FYB1: variants seen among roughly 807,000 people sequenced by gnomAD.
FYB1 encodes FYN-binding protein 1.
FYB1 carries 41 observed loss-of-function variants against 94.1 expected under a neutral mutation model. The ratio of observed to expected loss-of-function variants is 0.44; its 90% CI spans 0.34 to 0.57. FYB1 has a LOEUF of 0.57. FYB1 is among the 20% of genes least tolerant of loss of function. The probability of loss-of-function intolerance (pLI) is 0.02; values close to 1 mark genes in which losing one functional copy is unlikely to be tolerated. For synonymous variants in FYB1, 367 were observed against 353.2 expected (o/e 1.04, Z -0.44); for missense variants, 1,050 against 976.8 (o/e 1.07, Z -1.00).
At chr5:39,239,326 AG>A (rs1751105544) in intron 1 of FYB1, among the ~76,000 whole-genome samples, 1 of 152,198 alleles carries the variant, frequency 6.6e-6, no homozygotes, top group African/African-American at 2.4e-5. Context: ...ATCAGGCAAG[AG>A]AAAGAAATAA....
chr5:39,157,886 A>T (rs1375922725), intron 2 of FYB1, among the ~76,000 whole-genome samples: 3 of 152,206 alleles, frequency 2.0e-5, no homozygotes. Flanking sequence ...CAATGAGCTA[A>T]TCAGATGAAT....
chr5:39,116,383 G>T (rs1314166567), intron 16 of FYB1, among the ~76,000 whole-genome samples: 2 of 152,200 alleles, frequency 1.3e-5, no homozygotes. Context: ...ACTGTAAAGT[G>T]CATTGGTACT....
chr5:39,171,506 T>C (rs1379740707), intron 2 of FYB1, among the ~76,000 whole-genome samples: 1 of 152,140 alleles, frequency 6.6e-6, no homozygotes, highest in Admixed American at 6.5e-5. Context: ...CTCTAGGTGA[T>C]TCTAATGCAC....
intron 16 of FYB1, among the ~76,000 whole-genome samples, chr5:39,112,053 C>T (rs1739122585): frequency 6.6e-6 from 1 of 151,866 alleles, no homozygotes; most frequent in Non-Finnish European, 1.5e-5. Context: ...GGGATAAGCT[C>T]ATGTCCAACA....
chr5:39,162,578 G>A lies in FYB1; in HGVS notation c.1136-8974C>T, dbSNP rs573013398. ...CGCTTGTCTGTAGTCCCAGCTACTC[G>A]GGAGGCTGAGGCAGGAGAATCGCTT... On this transcript the variant is annotated intron_variant, in intron 2 of 18. Transcript: ENST00000512982. Among the ~76,000 whole-genome samples, 3 of 152,166 alleles carry A rather than the reference G, an allele frequency of 2.0e-5. No individual in the cohort carries two copies. In the South Asian group the frequency reaches 6.2e-4, roughly 32 times the overall value.
chr5:39,124,346 A>T (rs1740425965), intron 12 of FYB1, 68 bp from the exon 13 acceptor site: 1 of 1,129,450 alleles, frequency 8.9e-7, no homozygotes, highest in South Asian at 1.6e-5. Context: ...TCCGTTATAT[A>T]GGAGAGTATA....
intron 1 of FYB1, among the ~76,000 whole-genome samples, chr5:39,208,435 T>C (rs1749050218): frequency 6.6e-6 from 1 of 152,244 alleles, no homozygotes; most frequent in Non-Finnish European, 1.5e-5. Flanking sequence ...AAATCTTTGA[T>C]AATTTTTTAC....
intron 3 of FYB1, among the ~76,000 whole-genome samples, chr5:39,145,565 A>G (rs554429709): frequency 2.4e-4 from 36 of 152,322 alleles, no homozygotes; most frequent in African/African-American, 7.7e-4. Context: ...AAATTTAAGT[A>G]CTTAAAGGAA....
In FYB1 at chr5:39,201,891, G is replaced by A; in HGVS notation, c.1070C>T (p.Pro357Leu). The A allele has an allele frequency of 1.9e-6, 3 of 1,614,010 alleles. No homozygotes were observed. Among genetic ancestry groups the A allele is most frequent in the Non-Finnish European group, 2.5e-6 (3 of 1,179,882 alleles). ...ATTTGGTGGTCTGTTGGGTTTTGGT[G>A]GAGGTGGACCCAAGGTAAACAAGGG... is the stretch of plus-strand genomic sequence containing the variant. ...LPPLFTLGPP[P>L]PKPNRPPNVD... Residue 357 changes from proline (P) to leucine (L), a missense_variant, in exon 2 of 19, where the codon CCA becomes CTA. By Grantham distance (98) the Pro-to-Leu change is moderately conservative. Transcript: ENST00000512982.
At chr5:39,109,644 T>C (rs956387857) in intron 17 of FYB1, among the ~76,000 whole-genome samples, 1 of 152,108 alleles carries the variant, frequency 6.6e-6, no homozygotes, top group African/African-American at 2.4e-5. Context: ...AGTTTGTGAC[T>C]CCTTCTGGAT....
chr5:39,211,254 T>C (rs1422404942), intron 1 of FYB1, among the ~76,000 whole-genome samples: 2 of 152,106 alleles, frequency 1.3e-5, no homozygotes, highest in Admixed American at 6.5e-5. Flanking sequence ...AGTTCTTTCA[T>C]TTTTTCTGTT....
chr5:39,246,866 GTTAGAGCCTGGGC>G (rs1751498064), intron 1 of FYB1, among the ~76,000 whole-genome samples: 1 of 151,944 alleles, frequency 6.6e-6, no homozygotes, highest in Admixed American at 6.6e-5. Flanking sequence ...AATACAGAGG[GTTAGAGCCTGGGC>G]TTTGGAGCCA....
In FYB1 at chr5:39,182,287, ATGTGTG is replaced by A. The variant is rs57111701; in HGVS notation, c.1135+19533_1135+19538del. 8.5e-3 allele frequency among the ~76,000 whole-genome samples: 1,186 copies of A among 140,096 alleles called. 11 individuals carry two copies. Among genetic ancestry groups the A allele is most frequent in the African/African-American group, 0.028 (1,060 of 37,448 alleles). 91.9% of individuals were successfully genotyped at this position (140,096 alleles called of 152,430 possible). A position where few individuals can be genotyped will look rare whatever the true frequency, so the allele number is the denominator to read the frequency against. On this transcript the variant is annotated intron_variant, in intron 2 of 18. Transcript: ENST00000512982. ...ATGCTTTTTGTGTGTGTGTGCATGCATGTGTGTGTGTGTGTGTGTGTGTGTGTGTGT... is the reference window on the plus strand; with the variant it reads ...ATGCTTTTTGTGTGTGTGTGCATGCATGTGTGTGTGTGTGTGTGTGTGTGT...
At chr5:39,182,819 A>G (rs1222659441) in intron 2 of FYB1, among the ~76,000 whole-genome samples, 2 of 152,156 alleles carry the variant, frequency 1.3e-5, no homozygotes, top group African/African-American at 2.4e-5. Context: ...CATTTGTGCT[A>G]TTGTTTCCTT....
chr5:39,140,198 C>A (rs1192770675), intron 4 of FYB1, among the ~76,000 whole-genome samples: 1 of 152,152 alleles, frequency 6.6e-6, no homozygotes, highest in Non-Finnish European at 1.5e-5. Flanking sequence ...TAATAGACAA[C>A]TGACCGAATG....
intron 3 of FYB1, among the ~76,000 whole-genome samples, chr5:39,153,063 T>C (rs950038477): frequency 1.3e-5 from 2 of 151,828 alleles, no homozygotes; most frequent in African/African-American, 4.8e-5. Context: ...TAGCACCTCA[T>C]AAGCAGTCAG....
At chr5:39,242,312 C>A (rs1230957284) in intron 1 of FYB1, among the ~76,000 whole-genome samples, 1 of 147,352 alleles carries the variant, frequency 6.8e-6, no homozygotes, top group African/African-American at 2.5e-5. Context: ...ACGACAGGCC[C>A]CAGTGTGTGA....
chr5:39,108,303 G>A lies in FYB1; in HGVS notation c.2436-41C>T, dbSNP rs1223709670. On this transcript the variant is annotated intron_variant, in intron 17 of 18. Transcript: ENST00000512982. ...AAAATTTTTATTTTAAAGAAACTAT[G>A]TTCTTGGCATTAGAGCAATATATAG... 7 of 1,477,912 alleles carry A rather than the reference G, an allele frequency of 4.7e-6. No homozygotes were observed. The Admixed American group carries it at 1.5e-4, about 31-fold the overall frequency. 91.5% of individuals were successfully genotyped at this position (1,477,912 alleles called of 1,614,324 possible). A position where few individuals can be genotyped will look rare whatever the true frequency, so the allele number is the denominator to read the frequency against.
In FYB1 at chr5:39,202,643, T is replaced by A. The variant is rs1376995961; in HGVS notation, c.318A>T (p.Lys106Asn). The change falls in exon 2 of 19, where the codon AAA (lysine) becomes AAT (asparagine). Residue 106 changes from lysine (K) to asparagine (N), a missense_variant. By Grantham distance (94) the Lys-to-Asn change is moderately conservative. Transcript: ENST00000512982. ...GGCCTACAGGTTTCAGAAATCCCAC[T>A]TTCGCCTCGGGGTCTCTGGTGGTCA... ...ASLTTRDPEA[K>N]VGFLKPVGPK... 2.5e-6 allele frequency: 4 copies of A among 1,613,846 alleles called. No individual in the cohort carries two copies. Among genetic ancestry groups the A allele is most frequent in the Non-Finnish European group, 3.4e-6 (4 of 1,179,856 alleles).
Sources: gnomAD v4.1 joint callset for allele counts (sites outside exome capture counted in the v4.1 genomes callset) on GRCh38, gnomAD v4.1.1 for gene constraint, MANE v1.5 for transcripts, NCBI Gene and HGNC (gene_info 2026-07-23, HGNC 2026-07-21) for gene names.